Variants in HNRNPLL observed in about 807,000 individuals in gnomAD.
HNRNPLL encodes the protein heterogeneous nuclear ribonucleoprotein L like.
Under a neutral mutation model 67.1 loss-of-function variants are expected in HNRNPLL, and 25 were observed. The ratio of observed to expected loss-of-function variants is 0.37; its 90% CI spans 0.27 to 0.52. The LOEUF (loss-of-function observed/expected upper bound fraction) is 0.52. Ranked by LOEUF, HNRNPLL falls within the 20% of genes least tolerant of loss-of-function variation. HNRNPLL has a pLI of 0.90. For missense variants in HNRNPLL, 542 were observed against 673.9 expected (o/e 0.80, Z 2.17); for synonymous variants, 267 against 241.7 (o/e 1.10, Z -0.97).
chr2:38,593,114 T>C (rs1667027043), intron 1 of HNRNPLL, among the ~76,000 whole-genome samples: 1 of 152,274 alleles, frequency 6.6e-6, no homozygotes, highest in Admixed American at 6.5e-5. Flanking sequence ...ATACTAATTC[T>C]ATCCTTGGAA....
chr2:38,589,534 T>C (rs781354207), intron 2 of HNRNPLL, among the ~76,000 whole-genome samples: 4 of 152,292 alleles, frequency 2.6e-5, no homozygotes, highest in Non-Finnish European at 5.9e-5. Context: ...ACTAATTTGT[T>C]CCAATTATTT....
intron 1 of HNRNPLL, chr2:38,602,228 C>A: frequency 1.8e-6 from 1 of 543,584 alleles, no homozygotes; most frequent in Non-Finnish European, 3.1e-6. Context: ...CGCTGCGGGG[C>A]CTGCGGCCAG....
Position 38,596,735 on chromosome 2 carries a change from G to A in HNRNPLL, c.190-5087C>T, listed in dbSNP as rs74403731. The stretch of plus-strand genomic sequence containing the variant: ...TTTTTTAATCTTTCCTCATACAGGA[G>A]CCCAAGTTATTTCCATTTCAGATGT... On this transcript the variant is annotated intron_variant, in intron 1 of 12. Coordinates refer to ENST00000449105, the MANE Select transcript of HNRNPLL (RefSeq NM_138394.4). 8.7e-3 allele frequency among the ~76,000 whole-genome samples: 1,317 copies of A among 152,078 alleles called. 19 individuals are homozygous for A. The highest frequency in any genetic ancestry group is 0.03 in the African/African-American group (1,248 of 41,470).
rs1665714047 is a variant in HNRNPLL, at chr2:38,562,730, TTCTTTA to T, written c.*1446_*1451del. On this transcript the variant is annotated 3_prime_UTR_variant, in exon 13 of 13. Coordinates refer to ENST00000449105, the MANE Select transcript of HNRNPLL (RefSeq NM_138394.4). ...ATACTTCTAGATTAAATTTAATTTT[TTCTTTA>T]TCTTTAGAGGGCTAAATGCTGGTCC... is the stretch of plus-strand genomic sequence containing the variant. The T allele has an allele frequency of 6.6e-6, 1 of 152,098 alleles. No individual in the cohort carries two copies. Among genetic ancestry groups the T allele is most frequent in the African/African-American group, 2.4e-5 (1 of 41,448 alleles). The allele number at this position is 152,098 out of a possible 1,614,324, so 9.4% of individuals were successfully genotyped here. A position where few individuals can be genotyped will look rare whatever the true frequency, so the allele number is the denominator to read the frequency against.
intron 1 of HNRNPLL, among the ~76,000 whole-genome samples, chr2:38,596,326 A>G (rs1667188580): frequency 1.6e-5 from 1 of 63,026 alleles, no homozygotes; most frequent in African/African-American, 5.5e-5. Context: ...GCAGTGGCAC[A>G]AGGTCTCACT....
intron 3 of HNRNPLL, among the ~76,000 whole-genome samples, chr2:38,584,309 C>T (rs560282592): frequency 6.6e-6 from 1 of 152,242 alleles, no homozygotes; most frequent in South Asian, 2.1e-4. Flanking sequence ...GATCCTACTA[C>T]CTCAGTCTCC....
At chr2:38,571,970 G>C (rs1666102810) in intron 8 of HNRNPLL, among the ~76,000 whole-genome samples, 1 of 152,092 alleles carries the variant, frequency 6.6e-6, no homozygotes, top group Admixed American at 6.5e-5. Context: ...TAAATTGCCT[G>C]ATTCTGATTG....
At chr2:38,568,088 A>T in intron 12 of HNRNPLL, 111 bp downstream of exon 12, 1 of 655,456 alleles carries the variant, frequency 1.5e-6, no homozygotes, top group South Asian at 2.1e-5. Flanking sequence ...TTTTGTATTT[A>T]TCTGTATTTT....
chr2:38,602,127 A>G (rs1321995770), intron 1 of HNRNPLL: 22 of 378,716 alleles, frequency 5.8e-5, no homozygotes, highest in Non-Finnish European at 9.0e-5. Context: ...GAGCTCCCCG[A>G]GCCGCGAAAC....
chr2:38,576,715 C>T (rs1666314522), intron 7 of HNRNPLL, among the ~76,000 whole-genome samples: 1 of 151,816 alleles, frequency 6.6e-6, no homozygotes, highest in Non-Finnish European at 1.5e-5. Context: ...CCCAAGACTA[C>T]AATATAGCAA....
At chr2:38,567,930 G>A (rs1025003896) in intron 12 of HNRNPLL, 1 of 291,888 alleles carries the variant, frequency 3.4e-6, no homozygotes, top group Admixed American at 5.2e-5. Flanking sequence ...GAGATCCTAA[G>A]CCCGAATTGC....
chr2:38,602,462 G>A lies in HNRNPLL; in HGVS notation c.165C>T (p.Gly55=). 2 of 1,538,890 alleles carry A rather than the reference G, an allele frequency of 1.3e-6. No individual in the cohort carries two copies. The highest frequency in any genetic ancestry group is 1.2e-5 in the South Asian group (1 of 84,102). ...ATPRGGGDGG[G]GGRSFSQPEA... Reference sequence around the variant, plus strand: ...CCGGCTGAGAGAAGCTCCGGCCGCCGCCGCCGCCATCGCCCCCGCCCCGGG... The same window carrying A: ...CCGGCTGAGAGAAGCTCCGGCCGCCACCGCCGCCATCGCCCCCGCCCCGGG... The change falls in exon 1 of 13, where the codon GGC becomes GGT. Residue 55 remains glycine (G), a synonymous_variant. Coordinates refer to ENST00000449105, the MANE Select transcript of HNRNPLL (RefSeq NM_138394.4).
chr2:38,569,106 T>C (rs1209332994), intron 10 of HNRNPLL, 27 bp downstream of exon 10: 10 of 1,442,622 alleles, frequency 6.9e-6, no homozygotes, highest in Non-Finnish European at 9.8e-6. Flanking sequence ...AGCAACATTC[T>C]ATACACATTT....
At chr2:38,567,438 T>C (rs1354797532) in intron 12 of HNRNPLL, among the ~76,000 whole-genome samples, 1 of 152,100 alleles carries the variant, frequency 6.6e-6, no homozygotes, top group African/African-American at 2.4e-5. Flanking sequence ...TATATGTAAT[T>C]ATATATACAC....
intron 7 of HNRNPLL, among the ~76,000 whole-genome samples, chr2:38,575,689 C>T (rs915555323): frequency 6.6e-6 from 1 of 151,706 alleles, no homozygotes; most frequent in African/African-American, 2.4e-5. Context: ...TTCTTATAGT[C>T]GTCACATAGG....
chr2:38,599,413 T>C (rs1667332777), intron 1 of HNRNPLL, among the ~76,000 whole-genome samples: 3 of 152,224 alleles, frequency 2.0e-5, no homozygotes, highest in South Asian at 4.1e-4. Flanking sequence ...TAAAAGAAGA[T>C]ACAGAAACTT....
chr2:38,565,939 G>C lies in HNRNPLL; in HGVS notation c.1574-1702C>G, dbSNP rs570781266. ...CTAGAATATTTTAAAGCAAATTTCAGATGTTATTCCAGCCATAAATCATTC... is the reference window on the plus strand; with the variant it reads ...CTAGAATATTTTAAAGCAAATTTCACATGTTATTCCAGCCATAAATCATTC... On this transcript the variant is annotated intron_variant, in intron 12 of 12. Coordinates refer to ENST00000449105, the MANE Select transcript of HNRNPLL (RefSeq NM_138394.4). 2.9e-3 allele frequency: 2,213 copies of C among 764,936 alleles called. 3 individuals are homozygous for C. Among genetic ancestry groups the C allele is most frequent in the Non-Finnish European group, 3.4e-3 (2,120 of 629,128 alleles). The allele number at this position is 764,936 out of a possible 1,614,324, so 47.4% of individuals were successfully genotyped here.
At chr2:38,588,224 G>A (rs1038057507) in intron 2 of HNRNPLL, among the ~76,000 whole-genome samples, 1 of 152,126 alleles carries the variant, frequency 6.6e-6, no homozygotes, top group Non-Finnish European at 1.5e-5. Flanking sequence ...GCCTGTTATA[G>A]ACTTAGTAAA....
chr2:38,590,713 A>G (rs1666927032), intron 2 of HNRNPLL, among the ~76,000 whole-genome samples: 2 of 152,218 alleles, frequency 1.3e-5, no homozygotes, highest in African/African-American at 2.4e-5. Flanking sequence ...AGGATAAAAT[A>G]TAGCTCATGA....
Sources: gnomAD v4.1 joint callset for allele counts (sites outside exome capture counted in the v4.1 genomes callset) on GRCh38, gnomAD v4.1.1 for gene constraint, MANE v1.5 for transcripts, NCBI Gene and HGNC (gene_info 2026-07-23, HGNC 2026-07-21) for gene names.